ABTB3: variants seen among roughly 807,000 people sequenced by gnomAD.
ABTB3 encodes the protein ankyrin repeat and BTB domain containing 3.
At chr12:107,463,828 C>T in the ABTB3 span, among the ~76,000 whole-genome samples, 35 of 152,328 alleles carry the variant, frequency 2.3e-4, no homozygotes, top group East Asian at 5.4e-3. Flanking sequence ...TAGGAAGCCT[C>T]AACCAGCCTC....
At chr12:107,551,841 C>T in the ABTB3 span, among the ~76,000 whole-genome samples, 1 of 152,088 alleles carries the variant, frequency 6.6e-6, no homozygotes, top group African/African-American at 2.4e-5. Flanking sequence ...CAACCTCCAC[C>T]TCCCGGGTTC....
the ABTB3 span, among the ~76,000 whole-genome samples, chr12:107,449,770 C>G: frequency 6.6e-6 from 1 of 152,148 alleles, no homozygotes; most frequent in African/African-American, 2.4e-5. Context: ...CCTCAGCCTC[C>G]CAAGTAGCTT....
the ABTB3 span, among the ~76,000 whole-genome samples, chr12:107,499,646 G>A: frequency 6.6e-6 from 1 of 151,728 alleles, no homozygotes; most frequent in Non-Finnish European, 1.5e-5. Flanking sequence ...TTCTTCATAT[G>A]GCGGCAAGAG....
the ABTB3 span, among the ~76,000 whole-genome samples, chr12:107,444,470 C>T: frequency 1.5e-3 from 224 of 152,198 alleles, 2 homozygotes; most frequent in African/African-American, 5.0e-3. Context: ...AGACTAGATG[C>T]TGAAAAAAGA....
At chr12:107,557,974 GAA>G in the ABTB3 span, among the ~76,000 whole-genome samples, 1 of 152,260 alleles carries the variant, frequency 6.6e-6, no homozygotes, top group African/African-American at 2.4e-5. Flanking sequence ...CCAGAATGGA[GAA>G]AGAGTGCAGT....
chr12:107,395,165 G>A, the ABTB3 span, among the ~76,000 whole-genome samples: 1 of 152,180 alleles, frequency 6.6e-6, no homozygotes, highest in Non-Finnish European at 1.5e-5. Context: ...TTTATTCTCT[G>A]CCCCACTGCC....
the ABTB3 span, among the ~76,000 whole-genome samples, chr12:107,489,406 G>C: frequency 6.6e-6 from 1 of 152,170 alleles, no homozygotes; most frequent in East Asian, 1.9e-4. Context: ...TGTAATCCCA[G>C]ATACTTGGGA....
chr12:107,603,421 A>G, the ABTB3 span, among the ~76,000 whole-genome samples: 1 of 152,222 alleles, frequency 6.6e-6, no homozygotes, highest in Non-Finnish European at 1.5e-5. Flanking sequence ...ATTATTGATA[A>G]ACAGATGCCT....
chr12:107,634,266 T>G, the ABTB3 span, among the ~76,000 whole-genome samples: 1 of 152,190 alleles, frequency 6.6e-6, no homozygotes, highest in Non-Finnish European at 1.5e-5. Flanking sequence ...CTTTTAAAAT[T>G]CAAAAGAATA....
At chr12:107,635,260 A>G in the ABTB3 span, 1 of 1,608,726 alleles carries the variant, frequency 6.2e-7, no homozygotes, top group Non-Finnish European at 8.5e-7. Context: ...CCCCTGTATC[A>G]TGACCTCCTC....
chr12:107,646,588 A>G, the ABTB3 span, among the ~76,000 whole-genome samples: 1 of 152,138 alleles, frequency 6.6e-6, no homozygotes, highest in African/African-American at 2.4e-5. Flanking sequence ...TTATTGCACA[A>G]ATTCTCAGAC....
chr12:107,341,928 T>C, the ABTB3 span, among the ~76,000 whole-genome samples: 2 of 152,142 alleles, frequency 1.3e-5, no homozygotes, highest in African/African-American at 4.8e-5. Context: ...CCTTCTGCCA[T>C]GATTGGAAAC....
the ABTB3 span, among the ~76,000 whole-genome samples, chr12:107,523,722 G>A: frequency 6.6e-6 from 1 of 152,134 alleles, no homozygotes; most frequent in Non-Finnish European, 1.5e-5. Context: ...ATACGTACTC[G>A]GGGCGTTCAG....
chr12:107,437,957 AAC>A, the ABTB3 span, among the ~76,000 whole-genome samples: 141 of 152,042 alleles, frequency 9.3e-4, 1 homozygote, highest in African/African-American at 3.2e-3. Context: ...CTCACCTTCA[AAC>A]AGCTCTTGAT....
chr12:107,327,850 A>C, the ABTB3 span, among the ~76,000 whole-genome samples: 3 of 152,214 alleles, frequency 2.0e-5, no homozygotes, highest in Non-Finnish European at 4.4e-5. Context: ...TTTCTCATTC[A>C]TGTAGAGTCC....
chr12:107,535,869 C>A, the ABTB3 span, among the ~76,000 whole-genome samples: 1 of 152,056 alleles, frequency 6.6e-6, no homozygotes, highest in African/African-American at 2.4e-5. Flanking sequence ...ATCAAAACAC[C>A]AATGACATTC....
the ABTB3 span, chr12:107,649,398 G>T: frequency 1.5e-5 from 13 of 892,000 alleles, no homozygotes; most frequent in Non-Finnish European, 2.2e-5. Context: ...TCATTTGGAT[G>T]AAGACTTGGG....
chr12:107,619,988 G>C, the ABTB3 span: 1 of 1,606,394 alleles, frequency 6.2e-7, no homozygotes, highest in South Asian at 1.1e-5. Context: ...CGCTCCAGGC[G>C]TCCCGTGGAC....
chr12:107,436,955 C>A, the ABTB3 span, among the ~76,000 whole-genome samples: 1 of 152,098 alleles, frequency 6.6e-6, no homozygotes. Context: ...TCTGCATCCC[C>A]CCCCGCCGCA....
Sources: allele counts gnomAD v4.1 joint callset (sites outside exome capture counted in the v4.1 genomes callset), GRCh38; gene constraint gnomAD v4.1.1; transcripts MANE v1.5; gene names NCBI Gene and HGNC (gene_info 2026-07-23, HGNC 2026-07-21).